Variants in ARHGAP10 observed in about 807,000 individuals in gnomAD.
ARHGAP10 encodes Rho GTPase activating protein 10.
A neutral mutation model predicts 108.6 loss-of-function variants in ARHGAP10; 87 were observed. The ratio of observed to expected loss-of-function variants is 0.80; its 90% CI spans 0.67 to 0.96. ARHGAP10 has a LOEUF of 0.96. Ranked by LOEUF, ARHGAP10 falls within the 40% of genes least tolerant of loss-of-function variation. ARHGAP10 has a pLI of 0.00. For missense variants in ARHGAP10, 939 were observed against 954.5 expected (o/e 0.98, Z 0.21); for synonymous variants, 347 against 341.1 (o/e 1.02, Z -0.19).
intron 4 of ARHGAP10, among the ~76,000 whole-genome samples, chr4:147,857,173 G>A (rs778755907): frequency 5.9e-5 from 9 of 152,278 alleles, no homozygotes; most frequent in South Asian, 2.1e-4. Context: ...CGAATTCCAC[G>A]TCTGTGCCAA....
chr4:147,886,461 C>G (rs1735568182), intron 10 of ARHGAP10, among the ~76,000 whole-genome samples: 1 of 152,214 alleles, frequency 6.6e-6, no homozygotes, highest in Non-Finnish European at 1.5e-5. Context: ...CACCTTCTTT[C>G]CTAATAAGTA....
At chr4:147,854,526 G>A (rs935606513) in intron 4 of ARHGAP10, among the ~76,000 whole-genome samples, 9 of 151,932 alleles carry the variant, frequency 5.9e-5, no homozygotes. Context: ...TTTTCATATT[G>A]TATTTAACTT....
intron 19 of ARHGAP10, 68 bp downstream of exon 19, chr4:148,023,481 G>GCGACATAATTTC: frequency 6.9e-7 from 1 of 1,458,836 alleles, no homozygotes; most frequent in South Asian, 1.5e-5. Flanking sequence ...TGTCGTCAGG[G>GCGACATAATTTC]CAGGCCACAG....
At chr4:148,069,331 C>T (rs1225058711) in intron 22 of ARHGAP10, among the ~76,000 whole-genome samples, 1 of 152,122 alleles carries the variant, frequency 6.6e-6, no homozygotes, top group Admixed American at 6.5e-5. Context: ...ACAGGATCCC[C>T]CTTGGTCGCC....
At chr4:147,894,744 A>G (rs1735920134) in intron 10 of ARHGAP10, among the ~76,000 whole-genome samples, 1 of 152,184 alleles carries the variant, frequency 6.6e-6, no homozygotes, top group Non-Finnish European at 1.5e-5. Context: ...TTTTTTCCCC[A>G]GGTGAATAGC....
At chr4:148,001,847 T>C (rs1377485010) in intron 18 of ARHGAP10, among the ~76,000 whole-genome samples, 2 of 152,236 alleles carry the variant, frequency 1.3e-5, no homozygotes, top group Non-Finnish European at 2.9e-5. Context: ...TATGCAGTCA[T>C]GTCATCTGCA....
intron 18 of ARHGAP10, among the ~76,000 whole-genome samples, chr4:147,973,021 C>G (rs2149620267): frequency 1.3e-5 from 2 of 152,204 alleles, no homozygotes; most frequent in South Asian, 4.2e-4. Context: ...TCCTAAAGTG[C>G]TGGGATTACA....
At chr4:147,833,311 C>G (rs1424798352) in intron 3 of ARHGAP10, among the ~76,000 whole-genome samples, 2 of 152,080 alleles carry the variant, frequency 1.3e-5, no homozygotes, top group Admixed American at 1.3e-4. Flanking sequence ...GGAGTTCTCA[C>G]GAGAGCTGAT....
Position 148,060,018 on chromosome 4 carries a change from GGAGAGAGACGA to G in ARHGAP10, c.2028-3114_2028-3104del, listed in dbSNP as rs1471906167. 1.3e-3 allele frequency among the ~76,000 whole-genome samples: 105 copies of G among 79,066 alleles called. No individual in the cohort carries two copies. In the East Asian group the frequency reaches 0.036, roughly 27 times the overall value. The allele number at this position is 79,066 out of a possible 152,430, so 51.9% of individuals were successfully genotyped here. A position where few individuals can be genotyped will look rare whatever the true frequency, so the allele number is the denominator to read the frequency against. ...AGGGGAGAGAGAGGAGAGAGAGAGG[GGAGAGAGACGA>G]GAGAGAGACGAGAGACAGATATGCC... On this transcript the variant is annotated intron_variant, in intron 20 of 22. Transcript: ENST00000336498.
intron 13 of ARHGAP10, among the ~76,000 whole-genome samples, chr4:147,934,163 A>T (rs1024436793): frequency 2.6e-5 from 4 of 152,226 alleles, no homozygotes; most frequent in Non-Finnish European, 4.4e-5. Context: ...AGTGTGCAAG[A>T]TTCCTTTTGG....
intron 1 of ARHGAP10, among the ~76,000 whole-genome samples, chr4:147,799,717 A>G (rs1579061124): frequency 2.0e-5 from 3 of 152,288 alleles, no homozygotes; most frequent in African/African-American, 7.2e-5. Flanking sequence ...TTTCAACAGA[A>G]TTTATAATTG....
At chr4:147,854,576 A>G (rs1734014100) in intron 4 of ARHGAP10, 1 of 367,100 alleles carries the variant, frequency 2.7e-6, no homozygotes, top group South Asian at 1.1e-4. Context: ...TGTTACATTT[A>G]TATATTTTTT....
At chr4:147,942,110 G>A (rs1180071459) in intron 14 of ARHGAP10, among the ~76,000 whole-genome samples, 1 of 152,048 alleles carries the variant, frequency 6.6e-6, no homozygotes, top group African/African-American at 2.4e-5. Flanking sequence ...AAATTGTGTG[G>A]GTCTGCCAAG....
chr4:147,970,501 G>T (rs1327358342), intron 18 of ARHGAP10, among the ~76,000 whole-genome samples: 1 of 152,124 alleles, frequency 6.6e-6, no homozygotes, highest in African/African-American at 2.4e-5. Flanking sequence ...ACTGACAGTG[G>T]CTCTGACAGG....
At chr4:148,052,067 A>G (rs1327665929) in intron 20 of ARHGAP10, among the ~76,000 whole-genome samples, 1 of 152,186 alleles carries the variant, frequency 6.6e-6, no homozygotes. Context: ...GGCTTAGTAC[A>G]CCACAGTAAA....
At chr4:148,042,698 A>G (rs1194738339) in intron 19 of ARHGAP10, among the ~76,000 whole-genome samples, 3 of 152,178 alleles carry the variant, frequency 2.0e-5, no homozygotes, top group Non-Finnish European at 4.4e-5. Context: ...TGTCTTCTGC[A>G]TTATACTCTG....
At chr4:147,797,498 C>T (rs765088272) in intron 1 of ARHGAP10, among the ~76,000 whole-genome samples, 2 of 152,056 alleles carry the variant, frequency 1.3e-5, no homozygotes, top group Admixed American at 6.5e-5. Context: ...CTGCAGCCTC[C>T]GCCTCCCAGG....
intron 1 of ARHGAP10, among the ~76,000 whole-genome samples, chr4:147,812,877 T>C (rs1466880654): frequency 6.6e-6 from 1 of 152,216 alleles, no homozygotes; most frequent in East Asian, 1.9e-4. Context: ...TTTGTTATAG[T>C]GAGCATTAAA....
chr4:147,799,833 T>A (rs1731503373), intron 1 of ARHGAP10, among the ~76,000 whole-genome samples: 1 of 152,220 alleles, frequency 6.6e-6, no homozygotes, highest in South Asian at 2.1e-4. Context: ...AAATGGGAAT[T>A]TGACTTGGGA....
Sources: gnomAD v4.1 joint callset for allele counts (sites outside exome capture counted in the v4.1 genomes callset) on GRCh38, gnomAD v4.1.1 for gene constraint, MANE v1.5 for transcripts, NCBI Gene and HGNC (gene_info 2026-07-23, HGNC 2026-07-21) for gene names.